Variants in FPR3 observed in about 807,000 individuals in gnomAD.
FPR3 encodes formyl peptide receptor 3.
For missense variants in FPR3, 346 were observed against 443.2 expected (o/e 0.78, Z 1.97); for synonymous variants, 135 against 163.6 (o/e 0.83, Z 1.34).
chr19:51,809,202 A>G (rs906863715), intron 1 of FPR3, among the ~76,000 whole-genome samples: 2 of 152,248 alleles, frequency 1.3e-5, no homozygotes, highest in African/African-American at 2.4e-5. Flanking sequence ...ATTGATAGCT[A>G]TATTTTCAAC....
chr19:51,800,684 G>A (rs1156905444), intron 1 of FPR3, among the ~76,000 whole-genome samples: 3 of 152,164 alleles, frequency 2.0e-5, no homozygotes, highest in African/African-American at 7.2e-5. Flanking sequence ...GTTTCACTTT[G>A]ACCAAAGTCT....
intron 1 of FPR3, among the ~76,000 whole-genome samples, chr19:51,806,497 T>C (rs2084059767): frequency 6.6e-6 from 1 of 152,204 alleles, no homozygotes; most frequent in Non-Finnish European, 1.5e-5. Context: ...AGGCTAAATG[T>C]AGTTTTGATT....
At chr19:51,806,511 G>C (rs2084059814) in intron 1 of FPR3, among the ~76,000 whole-genome samples, 2 of 152,202 alleles carry the variant, frequency 1.3e-5, no homozygotes. Flanking sequence ...TTTGATTGAG[G>C]TGGTAGTTGG....
chr19:51,808,066 GTC>G (rs1568428460), intron 1 of FPR3, among the ~76,000 whole-genome samples: 1 of 152,230 alleles, frequency 6.6e-6, no homozygotes, highest in Non-Finnish European at 1.5e-5. Flanking sequence ...CATGAGGCAT[GTC>G]TCTGCTGTAA....
rs771642655 is a variant in FPR3, at chr19:51,823,728, A to G, written c.-10-11A>G. The G allele has an allele frequency of 1.3e-6, 2 of 1,547,280 alleles. No homozygotes were observed. The highest frequency in any genetic ancestry group is 2.0e-5 in the Admixed American group (1 of 50,566). ...CACAGCTGAGAAATGGCCATTGCTG[A>G]AATGTTTCAGGTGTGGGAAGATGGA... On this transcript the variant is annotated splice_polypyrimidine_tract_variant and intron_variant, in intron 1 of 1. Coordinates refer to ENST00000339223, the MANE Select transcript of FPR3 (RefSeq NM_002030.5).
intron 1 of FPR3, among the ~76,000 whole-genome samples, chr19:51,796,878 G>A (rs911403869): frequency 1.3e-5 from 2 of 152,164 alleles, no homozygotes; most frequent in Non-Finnish European, 2.9e-5. Flanking sequence ...GGCCACGGCT[G>A]ATAATTTAGA....
chr19:51,815,782 GC>G (rs1347318558), intron 1 of FPR3, among the ~76,000 whole-genome samples: 1 of 151,192 alleles, frequency 6.6e-6, no homozygotes, highest in Non-Finnish European at 1.5e-5. Flanking sequence ...AATCCCTTGA[GC>G]CCAGGGAAGT....
chr19:51,807,850 C>T (rs2084070388), intron 1 of FPR3, among the ~76,000 whole-genome samples: 1 of 152,182 alleles, frequency 6.6e-6, no homozygotes, highest in African/African-American at 2.4e-5. Flanking sequence ...GGATCATATC[C>T]TGTAAGCATT....
At chr19:51,805,721 C>T (rs1237446531) in intron 1 of FPR3, among the ~76,000 whole-genome samples, 2 of 152,210 alleles carry the variant, frequency 1.3e-5, no homozygotes, top group Admixed American at 6.5e-5. Flanking sequence ...TCTCTACGTA[C>T]TGAGCCGTTT....
chr19:51,823,956 G>A lies in FPR3; in HGVS notation c.208G>A (p.Ala70Thr), dbSNP rs1244959308. The A allele has an allele frequency of 1.2e-6, 2 of 1,613,928 alleles. No homozygotes were observed. Among genetic ancestry groups the A allele is most frequent in the African/African-American group, 2.7e-5 (2 of 74,914 alleles). ...NTICYLNLAL[A>T]DFSFSAILPF... ...CATCTGTTACCTGAACCTGGCCCTA[G>A]CTGACTTCTCTTTCAGTGCCATCCT... Residue 70 changes from alanine (A) to threonine (T), a missense_variant, in exon 2 of 2, where the codon GCT (alanine) becomes ACT (threonine). Physicochemically the swap from Ala to Thr is moderately conservative, Grantham distance 58. Transcript: ENST00000339223.
At chr19:51,800,089 G>A (rs540296013) in intron 1 of FPR3, among the ~76,000 whole-genome samples, 2 of 152,334 alleles carry the variant, frequency 1.3e-5, no homozygotes, top group African/African-American at 2.4e-5. Flanking sequence ...GTGAAGGGGA[G>A]CTGGGTGAAA....
rs1311040802 is a variant in FPR3 at position 51,825,606 on chromosome 19, A to G, written c.*796A>G. 6.0e-6 allele frequency: 1 copy of G among 167,154 alleles called. No homozygotes were observed. The highest frequency in any genetic ancestry group is 1.5e-5 in the Non-Finnish European group (1 of 68,140). The allele number at this position is 167,154 out of a possible 1,614,324, so 10.4% of individuals were successfully genotyped here. Reference sequence around the variant, plus strand: ...CTATGGGAGTTCTGAAGCAGAAACCATGGGCTAAAACCAACATACATCTTA... The same window carrying G: ...CTATGGGAGTTCTGAAGCAGAAACCGTGGGCTAAAACCAACATACATCTTA... On this transcript the variant is annotated 3_prime_UTR_variant, in exon 2 of 2. Transcript: ENST00000339223.
At position 51,826,036 on chromosome 19, in the gene FPR3, C is replaced by G. The variant is rs938937709; in HGVS notation, c.*1226C>G. 8 of 164,858 alleles carry G rather than the reference C, an allele frequency of 4.9e-5. No homozygotes were observed. Among genetic ancestry groups the G allele is most frequent in the African/African-American group, 1.7e-4 (7 of 41,424 alleles). 10.2% of individuals were successfully genotyped at this position (164,858 alleles called of 1,614,324 possible). On this transcript the variant is annotated 3_prime_UTR_variant, in exon 2 of 2. Coordinates refer to ENST00000339223, the MANE Select transcript of FPR3 (RefSeq NM_002030.5). Reference sequence around the variant, plus strand: ...AAGAGTTTTCTTTTATTGTTTAAATCATGAATGAATGTTGAATTTTATTAA... The same window carrying G: ...AAGAGTTTTCTTTTATTGTTTAAATGATGAATGAATGTTGAATTTTATTAA...
chr19:51,795,501 ATTCTTTTTTT>A (rs2083991200), intron 1 of FPR3, among the ~76,000 whole-genome samples, 170 bp downstream of exon 1: 3 of 77,076 alleles, frequency 3.9e-5, no homozygotes, highest in Admixed American at 2.8e-4. Context: ...TTCCAGTAAC[ATTCTTTTTTT>A]TTTTTTTTTT....
chr19:51,798,092 C>T (rs1046474504), intron 1 of FPR3, among the ~76,000 whole-genome samples: 1 of 151,862 alleles, frequency 6.6e-6, no homozygotes. Context: ...AAAATGGGGG[C>T]TCAAAGAGAT....
intron 1 of FPR3, among the ~76,000 whole-genome samples, chr19:51,821,339 T>C (rs1283193616): frequency 6.6e-6 from 1 of 152,136 alleles, no homozygotes; most frequent in Non-Finnish European, 1.5e-5. Flanking sequence ...GGGGGGAGTT[T>C]TGCCTCCCAC....
intron 1 of FPR3, among the ~76,000 whole-genome samples, chr19:51,801,972 A>G (rs764286432): frequency 6.6e-6 from 1 of 152,202 alleles, no homozygotes; most frequent in Non-Finnish European, 1.5e-5. Flanking sequence ...AGATTCTGTG[A>G]CACAATTAAT....
Position 51,803,125 on chromosome 19 carries a change from C to A in FPR3, c.-11+7794C>A, listed in dbSNP as rs936659601. ...TGTCTAATTAAAATTATCTCTGTTA[C>A]AAATTATTTTATTAAATTAAATTAA... On this transcript the variant is annotated intron_variant, in intron 1 of 1. Coordinates refer to ENST00000339223, the MANE Select transcript of FPR3 (RefSeq NM_002030.5). Among the ~76,000 whole-genome samples, 3 of 152,214 alleles carry A rather than the reference C, an allele frequency of 2.0e-5. No homozygotes were observed. The East Asian group carries it at 5.8e-4, about 29-fold the overall frequency.
chr19:51,823,171 G>A (rs2084203419), intron 1 of FPR3, among the ~76,000 whole-genome samples: 1 of 152,186 alleles, frequency 6.6e-6, no homozygotes, highest in East Asian at 1.9e-4. Flanking sequence ...CCTATAGCAT[G>A]TAATATATGT....
Sources: gnomAD v4.1 joint callset for allele counts (sites outside exome capture counted in the v4.1 genomes callset) on GRCh38, gnomAD v4.1.1 for gene constraint, MANE v1.5 for transcripts, NCBI Gene and HGNC (gene_info 2026-07-23, HGNC 2026-07-21) for gene names.